The following MNAT1 variants were observed in gnomAD, a reference collection of about 807,000 sequenced individuals.
MNAT1 encodes MNAT1 component of CDK activating kinase.
Under a neutral mutation model 42.0 loss-of-function variants are expected in MNAT1, and 43 were observed. That is an observed-to-expected ratio of 1.02 (90% CI 0.80 to 1.32). The LOEUF is 1.32. Among genes scored for constraint, MNAT1 ranks in the 40% most tolerant of loss-of-function variants. The pLI is 0.00. For missense variants in MNAT1, 306 were observed against 350.4 expected, an observed-to-expected ratio of 0.87 and a Z score of 1.01; for synonymous variants, 118 against 120.0, an observed-to-expected ratio of 0.98 and a Z score of 0.11.
chr14:60,766,292 A>C (rs1405044042), intron 1 of MNAT1, among the ~76,000 whole-genome samples: 4 of 151,186 alleles, frequency 2.6e-5, no homozygotes, highest in Admixed American at 1.3e-4. Flanking sequence ...GGTTATAATG[A>C]GTTGAGATAA....
chr14:60,898,070 C>A (rs1202001946), intron 7 of MNAT1, among the ~76,000 whole-genome samples: 1 of 148,276 alleles, frequency 6.7e-6, no homozygotes, highest in African/African-American at 2.5e-5. Flanking sequence ...GGTTTAATTC[C>A]TTTGAATGGC....
chr14:60,822,848 C>G (rs1024662330), intron 6 of MNAT1, among the ~76,000 whole-genome samples: 1 of 152,118 alleles, frequency 6.6e-6, no homozygotes, highest in Non-Finnish European at 1.5e-5. Flanking sequence ...CCTCTGTCCC[C>G]TGGGCTCAAG....
intron 6 of MNAT1, among the ~76,000 whole-genome samples, chr14:60,847,462 G>C (rs1453449961): frequency 6.6e-6 from 1 of 151,072 alleles, no homozygotes; most frequent in Non-Finnish European, 1.5e-5. Context: ...CTCTCTTATG[G>C]TTATTGTTTA....
chr14:60,878,643 A>G (rs765624933), intron 6 of MNAT1, among the ~76,000 whole-genome samples: 3 of 152,126 alleles, frequency 2.0e-5, no homozygotes, highest in Non-Finnish European at 4.4e-5. Flanking sequence ...GCAAAATGCC[A>G]TGAGTATTTT....
intron 1 of MNAT1, among the ~76,000 whole-genome samples, chr14:60,771,176 TTTTG>T (rs1320571980): frequency 6.6e-6 from 1 of 152,214 alleles, no homozygotes; most frequent in East Asian, 1.9e-4. Flanking sequence ...TGGAGGGTTT[TTTTG>T]TTTGTTTGTT....
intron 7 of MNAT1, among the ~76,000 whole-genome samples, chr14:60,949,894 A>T (rs978674897): frequency 3.3e-5 from 5 of 152,294 alleles, no homozygotes; most frequent in African/African-American, 4.8e-5. Context: ...TTTTTTAAAA[A>T]CTTGAAATTG....
At chr14:60,790,132 A>G (rs2031772043) in intron 1 of MNAT1, among the ~76,000 whole-genome samples, 1 of 152,130 alleles carries the variant, frequency 6.6e-6, no homozygotes, top group Admixed American at 6.5e-5. Context: ...TAGGCTAGAA[A>G]TAGATACTTA....
intron 6 of MNAT1, among the ~76,000 whole-genome samples, chr14:60,851,325 C>G (rs2139417487): frequency 6.6e-6 from 1 of 152,224 alleles, no homozygotes; most frequent in South Asian, 2.1e-4. Context: ...TTTTTCTCGG[C>G]AAGGATACAC....
intron 7 of MNAT1, among the ~76,000 whole-genome samples, chr14:60,944,357 C>A (rs760371717): frequency 3.0e-4 from 46 of 152,076 alleles, no homozygotes; most frequent in Non-Finnish European, 7.4e-5. Context: ...TGGAGCCTTC[C>A]TGACTCTATT....
At chr14:60,781,130 A>G (rs984439901) in intron 1 of MNAT1, among the ~76,000 whole-genome samples, 3 of 152,154 alleles carry the variant, frequency 2.0e-5, no homozygotes, top group African/African-American at 7.2e-5. Flanking sequence ...CAATTATTTG[A>G]CTTTAATTTA....
At chr14:60,869,591 G>A (rs996586965) in intron 6 of MNAT1, among the ~76,000 whole-genome samples, 1 of 152,102 alleles carries the variant, frequency 6.6e-6, no homozygotes, top group Non-Finnish European at 1.5e-5. Flanking sequence ...AATTAAAAGA[G>A]TTCTGAATTT....
chr14:60,897,699 T>A (rs2034986484), intron 7 of MNAT1, among the ~76,000 whole-genome samples: 1 of 152,178 alleles, frequency 6.6e-6, no homozygotes, highest in Non-Finnish European at 1.5e-5. Context: ...TCAGGATATT[T>A]GGGGTATCCG....
chr14:60,766,687 C>T (rs905791365), intron 1 of MNAT1, among the ~76,000 whole-genome samples: 3 of 151,902 alleles, frequency 2.0e-5, no homozygotes, highest in African/African-American at 7.3e-5. Context: ...TCCAGCCTGG[C>T]GACAGAGCAA....
intron 7 of MNAT1, among the ~76,000 whole-genome samples, chr14:60,884,966 G>A (rs968934413): frequency 1.6e-4 from 25 of 151,850 alleles, no homozygotes; most frequent in East Asian, 1.5e-3. Flanking sequence ...CATTTTCACC[G>A]GATATACTAT....
In MNAT1 at chr14:60,869,046, T is replaced by A. The variant is rs1307890107; in HGVS notation, c.688-10668T>A. ...TACATATATATATATATATATTTTTTTTTTTTTTTTTGAGACGGAGTCTCG... is the reference window on the plus strand; with the variant it reads ...TACATATATATATATATATATTTTTATTTTTTTTTTTGAGACGGAGTCTCG... On this transcript the variant is annotated intron_variant, in intron 6 of 7. Coordinates refer to ENST00000261245, the MANE Select transcript of MNAT1 (RefSeq NM_002431.4). 8.6e-4 allele frequency among the ~76,000 whole-genome samples: 76 copies of A among 88,020 alleles called. 1 individual carries two copies. Among genetic ancestry groups the A allele is most frequent in the Admixed American group, 3.3e-3 (31 of 9,490 alleles). The allele number at this position is 88,020 out of a possible 152,430, so 57.7% of individuals were successfully genotyped here.
At chr14:60,828,320 C>A (rs1238338071) in intron 6 of MNAT1, among the ~76,000 whole-genome samples, 1 of 151,978 alleles carries the variant, frequency 6.6e-6, no homozygotes, top group East Asian at 1.9e-4. Context: ...TGTAAAGATA[C>A]TAAGTATAAA....
At chr14:60,966,123 G>A (rs1402297760) in intron 7 of MNAT1, among the ~76,000 whole-genome samples, 1 of 151,822 alleles carries the variant, frequency 6.6e-6, no homozygotes, top group Non-Finnish European at 1.5e-5. Context: ...GTTTAACAAC[G>A]ACTATTTTTC....
chr14:60,784,179 ATTT>A (rs71114155), intron 1 of MNAT1, among the ~76,000 whole-genome samples: 2 of 53,290 alleles, frequency 3.8e-5, no homozygotes, highest in Admixed American at 3.2e-4. Flanking sequence ...TGCCTGGCTA[ATTT>A]TTTTTTTTTT....
intron 1 of MNAT1, among the ~76,000 whole-genome samples, chr14:60,756,793 T>C (rs909641375): frequency 6.6e-6 from 1 of 152,188 alleles, no homozygotes; most frequent in African/African-American, 2.4e-5. Flanking sequence ...GCCATGTCTA[T>C]TTTGATGCCA....
Sources: gnomAD v4.1 joint callset for allele counts (sites outside exome capture counted in the v4.1 genomes callset) on GRCh38, gnomAD v4.1.1 for gene constraint, MANE v1.5 for transcripts, NCBI Gene and HGNC (gene_info 2026-07-23, HGNC 2026-07-21) for gene names.